Variants in PDE1A observed in about 807,000 individuals in gnomAD.
The protein encoded by PDE1A is phosphodiesterase 1A.
A neutral mutation model predicts 61.7 loss-of-function variants in PDE1A; 35 were observed. The ratio of observed to expected loss-of-function variants is 0.57; its 90% CI spans 0.43 to 0.75. The LOEUF (loss-of-function observed/expected upper bound fraction) is 0.75. Ranked by LOEUF, PDE1A falls within the 30% of genes least tolerant of loss-of-function variation. The pLI is 0.00. For missense variants in PDE1A, 597 were observed against 630.6 expected (o/e 0.95, Z 0.57); for synonymous variants, 232 against 213.2 (o/e 1.09, Z -0.77).
chr2:182,238,266 C>CAAAAAAAAAAAAAAAAAAAA (rs3063250), intron 3 of PDE1A, among the ~76,000 whole-genome samples: 48 of 98,018 alleles, frequency 4.9e-4, no homozygotes, highest in African/African-American at 1.9e-3. Context: ...CAGACTACGT[C>CAAAAAAAAAAAAAAAAAAAA]AAAAAAAAAA....
At chr2:182,612,406 T>G in the PDE1A span, among the ~76,000 whole-genome samples, 8 of 152,328 alleles carry the variant, frequency 5.3e-5, no homozygotes, top group African/African-American at 1.7e-4. Flanking sequence ...TCCAGCATGT[T>G]TATTCTTCCA....
exon 5 of PDE1A, chr2:182,231,018 G>A: frequency 6.7e-7 from 1 of 1,490,874 alleles, no homozygotes; most frequent in Non-Finnish European, 9.3e-7. Flanking sequence ...TTCTGACCTT[G>A]AAACGGTTGA....
At chr2:182,432,751 T>A (rs1379136141) in intron 2 of PDE1A, among the ~76,000 whole-genome samples, 2 of 152,000 alleles carry the variant, frequency 1.3e-5, no homozygotes, top group African/African-American at 4.8e-5. Context: ...AGGAAGAGGG[T>A]TTCTCTGACC....
intron 2 of PDE1A, among the ~76,000 whole-genome samples, chr2:182,242,943 G>GTGTGTGTGTGTATT (rs71008214): frequency 1.5e-5 from 2 of 137,480 alleles, no homozygotes; most frequent in African/African-American, 5.4e-5. Context: ...GTATGTGTGT[G>GTGTGTGTGTGTATT]TGTGTGTTGT....
chr2:182,663,372 G>T, the PDE1A span, among the ~76,000 whole-genome samples: 30 of 152,266 alleles, frequency 2.0e-4, 1 homozygote, highest in South Asian at 6.0e-3. Flanking sequence ...ACACATTCAT[G>T]CAATTGTTCA....
chr2:182,171,327 C>A (rs1055079352), intron 13 of PDE1A, among the ~76,000 whole-genome samples: 2 of 151,932 alleles, frequency 1.3e-5, no homozygotes, highest in Non-Finnish European at 2.9e-5. Flanking sequence ...TCAACCCAGA[C>A]AATATGCAGT....
chr2:182,343,431 C>T (rs1253119700), intron 1 of PDE1A, among the ~76,000 whole-genome samples: 1 of 152,124 alleles, frequency 6.6e-6, no homozygotes, highest in Non-Finnish European at 1.5e-5. Flanking sequence ...TTTCAGATGC[C>T]ATAAGCAGCA....
At chr2:182,575,649 A>G in the PDE1A span, among the ~76,000 whole-genome samples, 1 of 150,222 alleles carries the variant, frequency 6.7e-6, no homozygotes, top group South Asian at 2.1e-4. Flanking sequence ...CTGCCAGCCT[A>G]GAGGTCTTAG....
chr2:182,215,678 A>C (rs1396469874), intron 7 of PDE1A, among the ~76,000 whole-genome samples: 4 of 122,106 alleles, frequency 3.3e-5, no homozygotes, highest in African/African-American at 1.3e-4. Flanking sequence ...GAAATGGATA[A>C]ATTCCTCGAC....
intron 1 of PDE1A, among the ~76,000 whole-genome samples, chr2:182,290,131 T>C (rs1235171028): frequency 6.6e-6 from 1 of 152,146 alleles, no homozygotes; most frequent in East Asian, 1.9e-4. Context: ...TAAAGCAATA[T>C]GCTCAGTGAT....
At chr2:182,632,381 A>C in the PDE1A span, among the ~76,000 whole-genome samples, 11 of 152,208 alleles carry the variant, frequency 7.2e-5, no homozygotes, top group Non-Finnish European at 1.3e-4. Flanking sequence ...TGAGTAAATG[A>C]AAGAATAACT....
At chr2:182,426,482 G>C in intron 1 of PDE1A, 96 bp downstream of exon 1, 1 of 885,294 alleles carries the variant, frequency 1.1e-6, no homozygotes, top group South Asian at 1.4e-5. Context: ...TGATTGCTCT[G>C]CTGTAGCTTA....
exon 14 of PDE1A, chr2:182,168,185 A>G: frequency 1.3e-6 from 2 of 1,550,318 alleles, no homozygotes; most frequent in Non-Finnish European, 1.7e-6. Flanking sequence ...CATAATCAAA[A>G]TCTCCAAGTC....
At chr2:182,687,339 C>T in the PDE1A span, among the ~76,000 whole-genome samples, 1 of 152,176 alleles carries the variant, frequency 6.6e-6, no homozygotes, top group Non-Finnish European at 1.5e-5. Context: ...ATGAAACTTC[C>T]AGAGGAACAA....
the PDE1A span, among the ~76,000 whole-genome samples, chr2:182,667,784 C>T: frequency 6.6e-6 from 1 of 152,210 alleles, no homozygotes; most frequent in South Asian, 2.1e-4. Flanking sequence ...TGTCAATGTT[C>T]AACTTCCAAA....
At chr2:182,220,149 TTAA>T (rs1688598683) in intron 7 of PDE1A, among the ~76,000 whole-genome samples, 1 of 152,082 alleles carries the variant, frequency 6.6e-6, no homozygotes, top group Admixed American at 6.6e-5. Context: ...AGATTTCCAT[TTAA>T]TAATCTTAGT....
the PDE1A span, among the ~76,000 whole-genome samples, chr2:182,573,294 G>A: frequency 6.6e-6 from 1 of 152,074 alleles, no homozygotes; most frequent in Non-Finnish European, 1.5e-5. Flanking sequence ...TGTCAAAAAT[G>A]TTTCATCTGA....
chr2:182,570,087 T>TG, the PDE1A span, among the ~76,000 whole-genome samples: 3 of 152,188 alleles, frequency 2.0e-5, no homozygotes, highest in Non-Finnish European at 4.4e-5. Flanking sequence ...CCCTGGGGTT[T>TG]GGGGACACAA....
intron 2 of PDE1A, among the ~76,000 whole-genome samples, chr2:182,475,445 TAA>T: frequency 6.6e-6 from 1 of 152,040 alleles, no homozygotes; most frequent in African/African-American, 2.4e-5. Context: ...CTGAGGGGAA[TAA>T]ATTTGCAAAC....
Sources: allele counts gnomAD v4.1 joint callset (sites outside exome capture counted in the v4.1 genomes callset), GRCh38; gene constraint gnomAD v4.1.1; transcripts MANE v1.5; gene names NCBI Gene and HGNC (gene_info 2026-07-23, HGNC 2026-07-21).